The following PCDHA1 variants were observed in gnomAD, a reference collection of about 807,000 sequenced individuals.
The protein encoded by PCDHA1 is protocadherin alpha 1.
PCDHA1 carries 42 observed loss-of-function variants against 61.3 expected under a neutral mutation model. The observed-to-expected ratio is 0.69, with a 90% CI of 0.54 to 0.89. The LOEUF (loss-of-function observed/expected upper bound fraction) is 0.89. PCDHA1 is among the 40% of genes least tolerant of loss of function. The probability of loss-of-function intolerance (pLI) is 0.00; values close to 1 mark genes in which losing one functional copy is unlikely to be tolerated. For synonymous variants in PCDHA1, 610 were observed against 553.8 expected (o/e 1.10, Z -1.43); for missense variants, 1,256 against 1,235.3 (o/e 1.02, Z -0.25).
At chr5:140,851,107 T>C in intron 1 of PCDHA1, 2 of 1,299,568 alleles carry the variant, frequency 1.5e-6, no homozygotes, top group Non-Finnish European at 2.0e-6. Context: ...TTTTGGGTGC[T>C]GAATCAATTT....
In PCDHA1 at chr5:140,850,224, G is replaced by A. The variant is rs2150474394; in HGVS notation, c.2394+61540G>A. On this transcript the variant is annotated intron_variant, in intron 1 of 3. Coordinates refer to ENST00000504120, the MANE Select transcript of PCDHA1 (RefSeq NM_018900.4). ...TCGGATGAGGGGCACTGACGGCGCAGTGAGCGAGATGGTGCTGCGGTCGGT... is the reference window on the plus strand; with the variant it reads ...TCGGATGAGGGGCACTGACGGCGCAATGAGCGAGATGGTGCTGCGGTCGGT... 9.3e-5 allele frequency: 148 copies of A among 1,593,886 alleles called. 13 individuals carry two copies. The highest frequency in any genetic ancestry group is 1.2e-4 in the Non-Finnish European group (142 of 1,167,688).
At chr5:140,798,540 C>A (rs996252357) in intron 1 of PCDHA1, among the ~76,000 whole-genome samples, 4 of 152,166 alleles carry the variant, frequency 2.6e-5, no homozygotes, top group Admixed American at 1.3e-4. Flanking sequence ...GTATCATTAT[C>A]ATTAGGCCAA....
Position 140,979,012 on chromosome 5 carries a change from G to A in PCDHA1, c.2453+5G>A, listed in dbSNP as rs2096831231. The A allele has an allele frequency of 1.9e-6, 3 of 1,613,794 alleles. No individual in the cohort carries two copies. Among genetic ancestry groups the A allele is most frequent in the African/African-American group, 2.7e-5 (2 of 74,926 alleles). ...CCTGAGAGCAGGCATGCACAGGTAT[G>A]TATTTCCCTCCTCATTCACTCAGAA... On this transcript the variant is annotated splice_donor_5th_base_variant and intron_variant, in intron 2 of 3. Coordinates refer to ENST00000504120, the MANE Select transcript of PCDHA1 (RefSeq NM_018900.4).
chr5:140,877,818 T>C (rs1207543793), intron 1 of PCDHA1: 1 of 1,608,890 alleles, frequency 6.2e-7, no homozygotes, highest in Non-Finnish European at 8.5e-7. Flanking sequence ...CTCGAGAAGA[T>C]TGTTTAAATC....
chr5:140,877,782 GGCCTTCAGCCCAA>G, intron 1 of PCDHA1: 1 of 1,614,154 alleles, frequency 6.2e-7, no homozygotes, highest in Non-Finnish European at 8.5e-7. Context: ...CGGACCTCAT[GGCCTTCAGCCCAA>G]GCCTTCAGCT....
At chr5:140,961,252 C>T (rs1185090498) in intron 1 of PCDHA1, among the ~76,000 whole-genome samples, 1 of 152,158 alleles carries the variant, frequency 6.6e-6, no homozygotes, top group African/African-American at 2.4e-5. Context: ...TTATCCGAAG[C>T]TCCAGGAAGC....
At chr5:140,952,529 G>A (rs1404753711) in intron 1 of PCDHA1, among the ~76,000 whole-genome samples, 1 of 152,084 alleles carries the variant, frequency 6.6e-6, no homozygotes, top group East Asian at 1.9e-4. Context: ...GACCTCCTCA[G>A]ACTGGACTTC....
intron 1 of PCDHA1, chr5:140,836,291 C>T: frequency 6.2e-7 from 1 of 1,613,720 alleles, no homozygotes; most frequent in Non-Finnish European, 8.5e-7. Context: ...CGACACGAGC[C>T]CTAGATGAGA....
At position 140,858,438 on chromosome 5, in the gene PCDHA1, TG is replaced by T; in HGVS notation, c.2394+69757del. ...ATTGGAGGGGACCACTCTAGGAAGG[TG>T]GGTTATTACGTTTTCATTTTCCTTT... On this transcript the variant is annotated intron_variant, in intron 1 of 3. Transcript: ENST00000504120. 1 of 1,540,928 alleles carries T rather than the reference TG, an allele frequency of 6.5e-7. No individual in the cohort carries two copies. The highest frequency in any genetic ancestry group is 8.8e-7 in the Non-Finnish European group (1 of 1,134,396).
intron 1 of PCDHA1, among the ~76,000 whole-genome samples, chr5:140,886,844 AAAAG>A (rs1232979230): frequency 6.0e-5 from 9 of 150,634 alleles, no homozygotes; most frequent in Non-Finnish European, 8.9e-5. Flanking sequence ...AAAAAAAAAA[AAAAG>A]AAAGGTCTTC....
At chr5:140,877,656 C>G (rs782196097) in intron 1 of PCDHA1, 6 of 1,613,560 alleles carry the variant, frequency 3.7e-6, no homozygotes, top group Non-Finnish European at 5.1e-6. Flanking sequence ...CGCCGCCCAC[C>G]GTGAGCCGGT....
At chr5:140,819,626 A>G in intron 1 of PCDHA1, among the ~76,000 whole-genome samples, 1 of 152,114 alleles carries the variant, frequency 6.6e-6, no homozygotes, top group East Asian at 1.9e-4. Context: ...TTCAGATTGG[A>G]TAATCTATAG....
At position 140,876,234 on chromosome 5, in the gene PCDHA1, T is replaced by C. The variant is rs1260556049; in HGVS notation, c.2394+87550T>C. 4 of 1,613,902 alleles carry C rather than the reference T, an allele frequency of 2.5e-6. No individual in the cohort carries two copies. In the South Asian group the frequency reaches 3.3e-5, roughly 13 times the overall value. On this transcript the variant is annotated intron_variant, in intron 1 of 3. Transcript: ENST00000504120. ...GCTATAAAGTAGTGTTGTCTGAAAA[T>C]GTCCAAAACGACACAAGAGTGATCC...
At chr5:140,984,533 T>C (rs1477702565) in intron 3 of PCDHA1, among the ~76,000 whole-genome samples, 1 of 152,216 alleles carries the variant, frequency 6.6e-6, no homozygotes, top group African/African-American at 2.4e-5. Context: ...CTTCATGGAC[T>C]GTGCTGGATA....
intron 3 of PCDHA1, among the ~76,000 whole-genome samples, chr5:140,986,633 C>T (rs566373023): frequency 5.9e-5 from 9 of 152,266 alleles, no homozygotes; most frequent in Admixed American, 3.3e-4. Context: ...GGCAACAGTA[C>T]ATTAGTTTTA....
intron 3 of PCDHA1, among the ~76,000 whole-genome samples, chr5:141,007,302 G>A (rs1211833053): frequency 6.7e-6 from 1 of 150,298 alleles, no homozygotes; most frequent in Non-Finnish European, 1.5e-5. Context: ...TGTAATCTTA[G>A]CATTTTGGGA....
rs782344373 is a variant in PCDHA1, at chr5:140,786,332, G to A, written c.42G>A (p.Leu14=). The A allele has an allele frequency of 1.9e-6, 3 of 1,613,332 alleles. No individual in the cohort carries two copies. The highest frequency in any genetic ancestry group is 2.5e-6 in the Non-Finnish European group (3 of 1,179,654). Residue 14 remains leucine, a synonymous_variant, in exon 1 of 4, where the codon CTG becomes CTA. Transcript: ENST00000504120. ...GAGGGGGCCTGGGAGCCCGGGATCTGCTTCTTTGGCTTCTGCTCCTCGCAG... is the reference window on the plus strand; with the variant it reads ...GAGGGGGCCTGGGAGCCCGGGATCTACTTCTTTGGCTTCTGCTCCTCGCAG... ...SRRGGLGARD[L]LLWLLLLAAW... is the part of the protein sequence containing the mutation.
chr5:140,870,658 C>G, intron 1 of PCDHA1: 3 of 1,612,534 alleles, frequency 1.9e-6, no homozygotes, highest in Non-Finnish European at 2.5e-6. Context: ...GGTGTACGCG[C>G]TGCAGCCGTT....
chr5:140,853,937 G>A (rs367556947), intron 1 of PCDHA1: 2 of 835,562 alleles, frequency 2.4e-6, no homozygotes, highest in Non-Finnish European at 2.9e-6. Flanking sequence ...GGGAGGCCAA[G>A]GTGGGAGGGT....
Sources: gnomAD v4.1 joint callset for allele counts (sites outside exome capture counted in the v4.1 genomes callset) on GRCh38, gnomAD v4.1.1 for gene constraint, MANE v1.5 for transcripts, NCBI Gene and HGNC (gene_info 2026-07-23, HGNC 2026-07-21) for gene names.